The following KCNV1 variants were observed in gnomAD, a reference collection of about 807,000 sequenced individuals.
KCNV1 encodes potassium voltage-gated channel subfamily V member 1.
A neutral mutation model predicts 36.4 loss-of-function variants in KCNV1; 2 were observed. That is an observed-to-expected ratio of 0.05 (90% CI 0.02 to 0.17). The LOEUF is 0.17. Ranked by LOEUF, KCNV1 falls within the 10% of genes least tolerant of loss-of-function variation. The pLI, the probability that KCNV1 is intolerant of heterozygous loss-of-function variation, is 1.00. For synonymous variants in KCNV1, 280 were observed against 261.1 expected (o/e 1.07, Z -0.70); for missense variants, 321 against 643.6 (o/e 0.50, Z 5.42).
chr8:109,973,168 A>C (rs1820033191), intron 2 of KCNV1, among the ~76,000 whole-genome samples: 1 of 151,908 alleles, frequency 6.6e-6, no homozygotes, highest in Non-Finnish European at 1.5e-5. Context: ...TTTAGTAGAG[A>C]CAGGGTTTCA....
chr8:109,972,188 T>C lies in KCNV1; in HGVS notation c.991+70A>G. On this transcript the variant is annotated intron_variant, in intron 3 of 3. Coordinates refer to ENST00000524391, the MANE Select transcript of KCNV1 (RefSeq NM_014379.4). This position sits in a 1 kb window ranked among gnomAD's most constrained non-coding sequence, Gnocchi z 5.2. Reference sequence around the variant, plus strand: ...AATATCAGTTCAGCGTTACTTTCCTTGTACTGTGGTCAAAAAACGAATGCT... The same window carrying C: ...AATATCAGTTCAGCGTTACTTTCCTCGTACTGTGGTCAAAAAACGAATGCT... 6.9e-7 allele frequency: 1 copy of C among 1,446,172 alleles called. No homozygotes were observed. Among genetic ancestry groups the C allele is most frequent in the South Asian group, 1.4e-5 (1 of 73,620 alleles). 89.6% of individuals were successfully genotyped at this position (1,446,172 alleles called of 1,614,324 possible).
At chr8:109,971,550 T>C (rs1010458492) in intron 3 of KCNV1, among the ~76,000 whole-genome samples, 1 of 152,086 alleles carries the variant, frequency 6.6e-6, no homozygotes, top group Non-Finnish European at 1.5e-5. Context: ...TGGAGACTTT[T>C]CTAGGAAAAT....
At chr8:109,971,511 G>A (rs769550976) in intron 3 of KCNV1, among the ~76,000 whole-genome samples, 11 of 151,800 alleles carry the variant, frequency 7.2e-5, no homozygotes, top group African/African-American at 2.7e-4. Flanking sequence ...TAATTTTCAC[G>A]TATCTTATGT....
chr8:109,972,206 C>A lies in KCNV1; in HGVS notation c.991+52G>T, dbSNP rs537206465. The A allele has an allele frequency of 2.6e-6, 4 of 1,516,514 alleles. No individual in the cohort carries two copies. Among genetic ancestry groups the A allele is most frequent in the South Asian group, 1.3e-5 (1 of 75,798 alleles). The allele number at this position is 1,516,514 out of a possible 1,614,324, so 93.9% of individuals were successfully genotyped here. A position where few individuals can be genotyped will look rare whatever the true frequency, so the allele number is the denominator to read the frequency against. On this transcript the variant is annotated intron_variant, in intron 3 of 3. Coordinates refer to ENST00000524391, the MANE Select transcript of KCNV1 (RefSeq NM_014379.4). This position sits in a 1 kb window ranked among gnomAD's most constrained non-coding sequence, Gnocchi z 5.2. Reference sequence around the variant, plus strand: ...CTTTCCTTGTACTGTGGTCAAAAAACGAATGCTTACATGCAATGGCAAATT... The same window carrying A: ...CTTTCCTTGTACTGTGGTCAAAAAAAGAATGCTTACATGCAATGGCAAATT...
chr8:109,965,355 T>C lies in KCNV1; in HGVS notation c.*2733A>G, dbSNP rs1434048886. On this transcript the variant is annotated 3_prime_UTR_variant, in exon 4 of 4. Transcript: ENST00000524391. ...GATGTTTAAAAAGTGTTTACTGTTTTAAAATAATGGGTTATAAAATTGGCA... is the reference window on the plus strand; with the variant it reads ...GATGTTTAAAAAGTGTTTACTGTTTCAAAATAATGGGTTATAAAATTGGCA... 2.0e-5 allele frequency: 3 copies of C among 152,224 alleles called. No homozygotes were observed. Among genetic ancestry groups the C allele is most frequent in the Non-Finnish European group, 4.4e-5 (3 of 68,044 alleles). The allele number at this position is 152,224 out of a possible 1,614,324, so 9.4% of individuals were successfully genotyped here. A position where few individuals can be genotyped will look rare whatever the true frequency, so the allele number is the denominator to read the frequency against.
chr8:109,969,567 C>T (rs1394396578), intron 3 of KCNV1, among the ~76,000 whole-genome samples: 1 of 152,090 alleles, frequency 6.6e-6, no homozygotes, highest in Non-Finnish European at 1.5e-5. Flanking sequence ...CCATTATGGG[C>T]CGGGCACGGT....
Position 109,972,807 on chromosome 8 carries a change from G to A in KCNV1, c.462-20C>T, listed in dbSNP as rs1312999179. On this transcript the variant is annotated intron_variant, in intron 2 of 3. Transcript: ENST00000524391. This position sits in a 1 kb window ranked among gnomAD's most constrained non-coding sequence, Gnocchi z 5.2. ...AAGTATCTTTTAGAGAAAACAATTT[G>A]GTGATTAGTCTAACTTTATTAAAAT... is the stretch of plus-strand genomic sequence containing the variant. The A allele has an allele frequency of 1.3e-6, 2 of 1,546,996 alleles. No individual in the cohort carries two copies. Among genetic ancestry groups the A allele is most frequent in the South Asian group, 2.5e-5 (2 of 81,074 alleles).
Position 109,968,751 on chromosome 8 carries a change from T to G in KCNV1, c.992-152A>C, listed in dbSNP as rs2130895871. ...GGGCAATGTTCTGGGGATACAAAGT[T>G]GATTAAATCATAATCCTTGTGCCAG... On this transcript the variant is annotated intron_variant, in intron 3 of 3. Transcript: ENST00000524391. The surrounding 1 kb of genome is among the most constrained non-coding windows in gnomAD (Gnocchi z 5.3). The G allele has an allele frequency of 1.3e-6, 1 of 746,202 alleles. No individual in the cohort carries two copies. Among genetic ancestry groups the G allele is most frequent in the East Asian group, 2.7e-5 (1 of 36,686 alleles). 46.2% of individuals were successfully genotyped at this position (746,202 alleles called of 1,614,324 possible). A position where few individuals can be genotyped will look rare whatever the true frequency, so the allele number is the denominator to read the frequency against.
At position 109,967,577 on chromosome 8, in the gene KCNV1, C is replaced by G. The variant is rs1255662185; in HGVS notation, c.*511G>C. 1 of 153,806 alleles carries G rather than the reference C, an allele frequency of 6.5e-6. No individual in the cohort carries two copies. The highest frequency in any genetic ancestry group is 1.4e-5 in the Non-Finnish European group (1 of 69,090). The allele number at this position is 153,806 out of a possible 1,614,324, so 9.5% of individuals were successfully genotyped here. ...TCTCTGCCCATCAAATATGGGTTTT[C>G]TCTTGTAAAGCTAAGTATTATATTC... On this transcript the variant is annotated 3_prime_UTR_variant, in exon 4 of 4. Coordinates refer to ENST00000524391, the MANE Select transcript of KCNV1 (RefSeq NM_014379.4).
intron 3 of KCNV1, among the ~76,000 whole-genome samples, chr8:109,970,610 G>A (rs1175649426): frequency 6.6e-6 from 1 of 152,036 alleles, no homozygotes; most frequent in Non-Finnish European, 1.5e-5. Context: ...TTAATACATG[G>A]GGAAATAGGT....
At chr8:109,971,575 C>A (rs933651707) in intron 3 of KCNV1, among the ~76,000 whole-genome samples, 1 of 151,968 alleles carries the variant, frequency 6.6e-6, no homozygotes, top group African/African-American at 2.4e-5. Context: ...ATTAGATTTT[C>A]AAAGGCTCTG....
intron 3 of KCNV1, among the ~76,000 whole-genome samples, chr8:109,970,046 T>C (rs1230097792): frequency 6.6e-6 from 1 of 152,132 alleles, no homozygotes; most frequent in East Asian, 1.9e-4. Context: ...TTTTTGTTTT[T>C]ATTCACTCAC....
rs578198108 is a variant in KCNV1 at position 109,963,988 on chromosome 8, A to C, written c.*4100T>G. ...CAAAAGGTGGTTGCAACGAAAGCAA[A>C]AATTGGCAAATGGGATCTAATTAAA... On this transcript the variant is annotated 3_prime_UTR_variant, in exon 4 of 4. Transcript: ENST00000524391. 12 of 152,268 alleles carry C rather than the reference A, an allele frequency of 7.9e-5. No homozygotes were observed. In the East Asian group the frequency reaches 2.1e-3, roughly 27 times the overall value. The allele number at this position is 152,268 out of a possible 1,614,324, so 9.4% of individuals were successfully genotyped here.
intron 2 of KCNV1, 78 bp downstream of exon 2, chr8:109,973,850 C>G: frequency 1.8e-6 from 2 of 1,109,142 alleles, no homozygotes; most frequent in Non-Finnish European, 2.5e-6. Flanking sequence ...TGTGTAAAGC[C>G]TCAAATCTAC....
rs945480893 is a variant in KCNV1 at position 109,965,112 on chromosome 8, G to T, written c.*2976C>A. The stretch of plus-strand genomic sequence containing the variant: ...AGTCCCAGCTACTCGCGAGGTTGAC[G>T]CAGGAGAATGGTGTGAACCCAAGAG... On this transcript the variant is annotated 3_prime_UTR_variant, in exon 4 of 4. Transcript: ENST00000524391. The T allele has an allele frequency of 2.6e-5, 4 of 152,230 alleles. No homozygotes were observed. Among genetic ancestry groups the T allele is most frequent in the African/African-American group, 4.8e-5 (2 of 41,444 alleles). 9.4% of individuals were successfully genotyped at this position (152,230 alleles called of 1,614,324 possible). A position where few individuals can be genotyped will look rare whatever the true frequency, so the allele number is the denominator to read the frequency against.
In KCNV1 at chr8:109,974,664, G is replaced by A. The variant is rs1820059140; in HGVS notation, c.-276C>T. Reference sequence around the variant, plus strand: ...CGCGCTAAGAGAGAGGATCAGGTGAGGTCCAAGCCCGACACAGTCCCTGTG... The same window carrying A: ...CGCGCTAAGAGAGAGGATCAGGTGAAGTCCAAGCCCGACACAGTCCCTGTG... On this transcript the variant is annotated 5_prime_UTR_variant, in exon 2 of 4. Transcript: ENST00000524391. This position sits in a 1 kb window ranked among gnomAD's most constrained non-coding sequence, Gnocchi z 6.2. 2 of 517,208 alleles carry A rather than the reference G, an allele frequency of 3.9e-6. No homozygotes were observed. Among genetic ancestry groups the A allele is most frequent in the East Asian group, 3.3e-5 (1 of 30,216 alleles). The allele number at this position is 517,208 out of a possible 1,614,324, so 32.0% of individuals were successfully genotyped here. A position where few individuals can be genotyped will look rare whatever the true frequency, so the allele number is the denominator to read the frequency against.
rs757467968 is a variant in KCNV1 at position 109,968,504 on chromosome 8, C to T, written c.1087G>A (p.Val363Ile). Residue 363 changes from valine (V) to isoleucine (I), a missense_variant, in exon 4 of 4, where the codon GTA (valine) becomes ATA (isoleucine). Physicochemically the swap from Val to Ile is conservative, Grantham distance 29. Transcript: ENST00000524391. The surrounding 1 kb of genome is among the most constrained non-coding windows in gnomAD (Gnocchi z 5.3). ...LSVGISIFST[V>I]EYFAEQSIPD... ...ATGCTTTGCTCAGCAAAGTATTCTACAGTTGAAAATATAGAGATTCCCACG... is the reference window on the plus strand; with the variant it reads ...ATGCTTTGCTCAGCAAAGTATTCTATAGTTGAAAATATAGAGATTCCCACG... 1.4e-5 allele frequency: 22 copies of T among 1,613,244 alleles called. No individual in the cohort carries two copies. The Admixed American group carries it at 3.5e-4, about 26-fold the overall frequency.
At chr8:109,971,452 G>A (rs144210506) in intron 3 of KCNV1, among the ~76,000 whole-genome samples, 12 of 152,174 alleles carry the variant, frequency 7.9e-5, no homozygotes, top group Admixed American at 6.5e-4. Flanking sequence ...TGTTGGGGAT[G>A]CAAGAATCAT....
chr8:109,969,852 GAA>G (rs199693742), intron 3 of KCNV1, among the ~76,000 whole-genome samples: 5 of 86,492 alleles, frequency 5.8e-5, no homozygotes, highest in Non-Finnish European at 8.1e-5. Context: ...CTCAAAAAAA[GAA>G]AAAAAAAAAA....
Sources: allele counts gnomAD v4.1 joint callset (sites outside exome capture counted in the v4.1 genomes callset), GRCh38; gene constraint gnomAD v4.1.1; non-coding constraint Gnocchi (gnomAD v3.1); transcripts MANE v1.5; gene names NCBI Gene and HGNC (gene_info 2026-07-23, HGNC 2026-07-21).